The following RAPGEF4 variants were observed in gnomAD, a reference collection of about 807,000 sequenced individuals.
RAPGEF4 encodes the protein Rap guanine nucleotide exchange factor 4, also known as RAP guanine-nucleotide-exchange factor (GEF) 4.
A neutral mutation model predicts 147.9 loss-of-function variants in RAPGEF4; 66 were observed. The observed-to-expected ratio is 0.45, with a 90% CI of 0.37 to 0.55. The LOEUF is 0.55. Ranked by LOEUF, RAPGEF4 falls within the 20% of genes least tolerant of loss-of-function variation. The pLI is 0.00. For missense variants in RAPGEF4, 1,071 were observed against 1,257.3 expected (o/e 0.85, Z 2.24); for synonymous variants, 419 against 442.7 (o/e 0.95, Z 0.67).
intron 6 of RAPGEF4, among the ~76,000 whole-genome samples, chr2:172,951,496 A>G (rs1437430460): frequency 6.6e-6 from 1 of 152,256 alleles, no homozygotes. Flanking sequence ...AGAAACGAAC[A>G]TGAATATCCA....
At chr2:172,851,113 C>G (rs547787756) in intron 4 of RAPGEF4, among the ~76,000 whole-genome samples, 2 of 152,194 alleles carry the variant, frequency 1.3e-5, no homozygotes, top group Non-Finnish European at 2.9e-5. Context: ...ACAGCTTTAG[C>G]TGTGTCCTAG....
chr2:172,886,585 G>A (rs896076676), intron 4 of RAPGEF4, among the ~76,000 whole-genome samples: 1 of 152,124 alleles, frequency 6.6e-6, no homozygotes, highest in African/African-American at 2.4e-5. Context: ...ATGTGTTCTT[G>A]GGGCAGTACT....
intron 3 of RAPGEF4, among the ~76,000 whole-genome samples, chr2:172,801,900 G>A (rs1687022046): frequency 6.6e-6 from 1 of 152,164 alleles, no homozygotes; most frequent in South Asian, 2.1e-4. Flanking sequence ...CTGCCCAGGT[G>A]CTGTTGGAGG....
chr2:173,030,402 T>C, intron 26 of RAPGEF4, 148 bp downstream of exon 26: 1 of 644,186 alleles, frequency 1.6e-6, no homozygotes, highest in Non-Finnish European at 2.7e-6. Context: ...TGTCTCCTTT[T>C]TCCAGTTGCC....
intron 4 of RAPGEF4, among the ~76,000 whole-genome samples, chr2:172,860,996 T>C (rs1477030679): frequency 6.6e-6 from 1 of 152,150 alleles, no homozygotes; most frequent in Non-Finnish European, 1.5e-5. Context: ...CTGAATTGCA[T>C]CTTTAAAGTT....
At chr2:172,929,259 G>A (rs1437900422) in intron 6 of RAPGEF4, among the ~76,000 whole-genome samples, 3 of 152,128 alleles carry the variant, frequency 2.0e-5, no homozygotes, top group Non-Finnish European at 4.4e-5. Flanking sequence ...GTCATTTAGG[G>A]TTTAGATTCT....
At chr2:172,904,001 G>A (rs1057130433) in intron 4 of RAPGEF4, among the ~76,000 whole-genome samples, 54 of 152,070 alleles carry the variant, frequency 3.6e-4, no homozygotes, top group African/African-American at 1.3e-3. Flanking sequence ...CAAGATGATG[G>A]TAGTTTGCTC....
chr2:172,990,364 A>AAAAAC (rs748447229), intron 14 of RAPGEF4, among the ~76,000 whole-genome samples: 127 of 152,348 alleles, frequency 8.3e-4, no homozygotes, highest in Admixed American at 1.4e-3. Context: ...GATTTTTCTT[A>AAAAAC]AAAACAAAAC....
intron 3 of RAPGEF4, among the ~76,000 whole-genome samples, chr2:172,811,037 T>C (rs1687974047): frequency 1.3e-5 from 2 of 152,236 alleles, no homozygotes; most frequent in African/African-American, 4.8e-5. Context: ...ATTTCCACTG[T>C]AGGCAACTGG....
intron 15 of RAPGEF4, 103 bp downstream of exon 15, chr2:172,991,028 C>A: frequency 2.3e-6 from 2 of 862,266 alleles, no homozygotes; most frequent in Non-Finnish European, 3.7e-6. Context: ...TGGAAGATGG[C>A]AGTGTATGTG....
chr2:173,004,587 G>A (rs983881337), intron 17 of RAPGEF4, among the ~76,000 whole-genome samples: 46 of 151,664 alleles, frequency 3.0e-4, no homozygotes, highest in South Asian at 1.0e-3. Flanking sequence ...TTTTAATTAA[G>A]CAATATTTTG....
chr2:172,883,302 C>T (rs1696823272), intron 4 of RAPGEF4, among the ~76,000 whole-genome samples: 1 of 152,144 alleles, frequency 6.6e-6, no homozygotes, highest in South Asian at 2.1e-4. Flanking sequence ...TGGCAAAAGG[C>T]AGAAGAGCAA....
At chr2:172,755,332 G>T (rs1695669648) in intron 1 of RAPGEF4, among the ~76,000 whole-genome samples, 1 of 152,150 alleles carries the variant, frequency 6.6e-6, no homozygotes, top group South Asian at 2.1e-4. Flanking sequence ...AGCCCCTTGA[G>T]ATTTTAGATA....
chr2:172,766,677 C>T (rs1696877963), intron 1 of RAPGEF4, among the ~76,000 whole-genome samples: 2 of 152,206 alleles, frequency 1.3e-5, no homozygotes, highest in African/African-American at 2.4e-5. Context: ...CCTCCAGCCC[C>T]TCCCGTCGCC....
intron 30 of RAPGEF4, among the ~76,000 whole-genome samples, chr2:173,051,087 G>GT (rs1441899500): frequency 6.6e-6 from 1 of 152,162 alleles, no homozygotes; most frequent in Non-Finnish European, 1.5e-5. Flanking sequence ...TGTGAGTTGG[G>GT]TTTTTTCTGA....
chr2:173,014,103 C>T (rs959858138), intron 17 of RAPGEF4, among the ~76,000 whole-genome samples: 3 of 152,060 alleles, frequency 2.0e-5, no homozygotes, highest in Non-Finnish European at 2.9e-5. Flanking sequence ...GAAATGCACC[C>T]AGAGAGAAGC....
chr2:172,774,034 G>A (rs749199834), intron 1 of RAPGEF4, among the ~76,000 whole-genome samples: 3 of 152,134 alleles, frequency 2.0e-5, no homozygotes, highest in Non-Finnish European at 4.4e-5. Context: ...AGGACTACAG[G>A]TATAAGCCAT....
At chr2:172,966,196 G>C (rs780830406) in intron 9 of RAPGEF4, among the ~76,000 whole-genome samples, 2 of 152,222 alleles carry the variant, frequency 1.3e-5, no homozygotes, top group African/African-American at 2.4e-5. Flanking sequence ...GATAACTGCA[G>C]GGGCTGTAAT....
At chr2:172,832,703 T>G (rs956403233) in intron 4 of RAPGEF4, among the ~76,000 whole-genome samples, 1 of 152,268 alleles carries the variant, frequency 6.6e-6, no homozygotes, top group Non-Finnish European at 1.5e-5. Flanking sequence ...CTGATTCAAC[T>G]GTTTTCATTT....
Sources: gnomAD v4.1 joint callset for allele counts (sites outside exome capture counted in the v4.1 genomes callset) on GRCh38, gnomAD v4.1.1 for gene constraint, MANE v1.5 for transcripts, NCBI Gene and HGNC (gene_info 2026-07-23, HGNC 2026-07-21) for gene names.